Variants in NFIB observed in about 807,000 individuals in gnomAD.
NFIB encodes the protein nuclear factor 1 B-type.
A neutral mutation model predicts 61.5 loss-of-function variants in NFIB; 11 were observed. The ratio of observed to expected loss-of-function variants is 0.18; its 90% CI spans 0.11 to 0.30. The LOEUF (loss-of-function observed/expected upper bound fraction) is 0.30, where lower values mean the gene tolerates loss of function less well. Among genes scored for constraint, NFIB ranks in the 10% least tolerant of loss-of-function variants. The pLI is 1.00. For missense variants in NFIB, 471 were observed against 608.9 expected, an observed-to-expected ratio of 0.77 and a Z score of 2.38; for synonymous variants, 260 against 216.5, an observed-to-expected ratio of 1.20 and a Z score of -1.76.
At chr9:14,363,975 C>T (rs2061271194) in intron 1 of NFIB, among the ~76,000 whole-genome samples, 1 of 152,114 alleles carries the variant, frequency 6.6e-6, no homozygotes, top group Non-Finnish European at 1.5e-5. Flanking sequence ...CCTTTGAGTT[C>T]TTTCCAGTTT....
chr9:14,372,696 A>G (rs2061371679), intron 1 of NFIB, among the ~76,000 whole-genome samples: 1 of 152,180 alleles, frequency 6.6e-6, no homozygotes, highest in Non-Finnish European at 1.5e-5. Flanking sequence ...AACATCTGTT[A>G]TAACATGTGG....
intron 2 of NFIB, among the ~76,000 whole-genome samples, chr9:14,197,257 G>A (rs898025905): frequency 6.6e-6 from 1 of 152,142 alleles, no homozygotes; most frequent in Non-Finnish European, 1.5e-5. Flanking sequence ...TCTGAGGGAC[G>A]ACCCTTAACC....
chr9:14,298,125 C>T (rs959692245), intron 2 of NFIB, among the ~76,000 whole-genome samples: 9 of 152,068 alleles, frequency 5.9e-5, no homozygotes, highest in Non-Finnish European at 1.3e-4. Context: ...AGATAGGATT[C>T]CCTTAAAACT....
At chr9:14,527,074 T>A in the NFIB span, among the ~76,000 whole-genome samples, 23 of 152,170 alleles carry the variant, frequency 1.5e-4, no homozygotes, top group African/African-American at 5.3e-4. Flanking sequence ...TAAGAAAGTA[T>A]CTTGGAAGAA....
chr9:14,179,411 G>T lies in NFIB; in HGVS notation c.616+316C>A, dbSNP rs1470192606. ...ATTTTCTTATGAGTTTTAAAAGAAA[G>T]ATTAAAAGGTTCATTGGCTTTTCAA... is the stretch of plus-strand genomic sequence containing the variant. On this transcript the variant is annotated intron_variant, in intron 3 of 10. Coordinates refer to ENST00000380953, the MANE Select transcript of NFIB (RefSeq NM_001190737.2). Among the ~76,000 whole-genome samples the T allele has an allele frequency of 2.0e-5, 3 of 151,908 alleles. No individual in the cohort carries two copies. In the East Asian group the frequency reaches 5.8e-4, roughly 29 times the overall value.
intron 2 of NFIB, among the ~76,000 whole-genome samples, chr9:14,241,009 T>TGTGGAA (rs1211092644): frequency 6.6e-6 from 1 of 152,172 alleles, no homozygotes; most frequent in East Asian, 1.9e-4. Flanking sequence ...TAATTCAGGG[T>TGTGGAA]TTCTTCTCTA....
At chr9:14,373,652 G>A (rs1310436425) in intron 1 of NFIB, among the ~76,000 whole-genome samples, 4 of 143,076 alleles carry the variant, frequency 2.8e-5, no homozygotes, top group East Asian at 3.9e-4. Flanking sequence ...GTGTGTGTGT[G>A]TGTGTGTGTG....
intron 2 of NFIB, among the ~76,000 whole-genome samples, chr9:14,203,545 G>C (rs1159392551): frequency 1.3e-5 from 2 of 152,120 alleles, no homozygotes; most frequent in Non-Finnish European, 2.9e-5. Context: ...TCTTGGCACG[G>C]AGCGACTGCA....
At chr9:14,238,102 G>A (rs2053982323) in intron 2 of NFIB, among the ~76,000 whole-genome samples, 1 of 151,938 alleles carries the variant, frequency 6.6e-6, no homozygotes. Flanking sequence ...AGGAGATTTT[G>A]GGGGCACATG....
chr9:14,123,086 T>A (rs2039144502), intron 7 of NFIB, among the ~76,000 whole-genome samples: 1 of 151,620 alleles, frequency 6.6e-6, no homozygotes, highest in Non-Finnish European at 1.5e-5. Flanking sequence ...AAACCCCATC[T>A]CTACTAAAAA....
rs563684975 is a variant in NFIB, at chr9:14,280,578, C to T, written c.562+26411G>A. Among the ~76,000 whole-genome samples, 4 of 152,210 alleles carry T rather than the reference C, an allele frequency of 2.6e-5. No homozygotes were observed. In the South Asian group the frequency reaches 8.3e-4, roughly 32 times the overall value. Reference sequence around the variant, plus strand: ...TGGTCAGTATTCAATTTATAACACACCTTAAAAGAATAAGGCAATTCATTG... The same window carrying T: ...TGGTCAGTATTCAATTTATAACACATCTTAAAAGAATAAGGCAATTCATTG... On this transcript the variant is annotated intron_variant, in intron 2 of 10. Coordinates refer to ENST00000380953, the MANE Select transcript of NFIB (RefSeq NM_001190737.2).
chr9:14,493,617 T>C, the NFIB span, among the ~76,000 whole-genome samples: 2 of 152,198 alleles, frequency 1.3e-5, no homozygotes, highest in Non-Finnish European at 2.9e-5. Flanking sequence ...AACGGATACC[T>C]TGTGCTCCTA....
In NFIB at chr9:14,307,500, G is replaced by A. The variant is rs777603010; in HGVS notation, c.51C>T (p.Ile17=). ...CLTQDEFHPF[I]EALLPHVRAI... ...CACGGACATGTGGAAGAAGTGCCTC[G>A]ATGAATGGGTGAAATTCATCCTGTG... The change falls in exon 2 of 11, where the codon ATC becomes ATT. Residue 17 remains isoleucine (I), a synonymous_variant. Transcript: ENST00000380953. This position sits in a 1 kb window ranked among gnomAD's most constrained non-coding sequence, Gnocchi z 5.3. The A allele has an allele frequency of 2.1e-5, 33 of 1,605,368 alleles. No individual in the cohort carries two copies. The highest frequency in any genetic ancestry group is 1.7e-4 in the Middle Eastern group (1 of 6,038).
chr9:14,174,206 C>T (rs1476532902), intron 3 of NFIB, among the ~76,000 whole-genome samples: 1 of 152,114 alleles, frequency 6.6e-6, no homozygotes, highest in Non-Finnish European at 1.5e-5. Context: ...TTAGCACTGA[C>T]CCATACAGAC....
intron 2 of NFIB, chr9:14,300,188 C>T (rs1186048714): frequency 2.5e-6 from 1 of 398,384 alleles, no homozygotes; most frequent in African/African-American, 2.1e-5. Context: ...CAACATACCA[C>T]GTTGCCACAG....
At chr9:14,530,412 GGGAGA>G in the NFIB span, among the ~76,000 whole-genome samples, 1 of 137,326 alleles carries the variant, frequency 7.3e-6, no homozygotes, top group Admixed American at 7.9e-5. Context: ...GAAAGAGAGA[GGGAGA>G]GAGAGAGAGA....
the NFIB span, among the ~76,000 whole-genome samples, chr9:14,469,286 T>C: frequency 6.6e-6 from 1 of 152,212 alleles, no homozygotes; most frequent in Non-Finnish European, 1.5e-5. Context: ...GAAAAGTTAC[T>C]GTGAAGATGA....
At chr9:14,491,765 C>T in the NFIB span, among the ~76,000 whole-genome samples, 1 of 151,994 alleles carries the variant, frequency 6.6e-6, no homozygotes, top group Non-Finnish European at 1.5e-5. Context: ...TTCTTAAAAT[C>T]CAAAATAACG....
chr9:14,436,362 G>A, the NFIB span, among the ~76,000 whole-genome samples: 1 of 152,210 alleles, frequency 6.6e-6, no homozygotes, highest in Non-Finnish European at 1.5e-5. Context: ...ACTCTGTGAG[G>A]CTGTGTGCCT....
Sources: gnomAD v4.1 joint callset for allele counts (sites outside exome capture counted in the v4.1 genomes callset) on GRCh38, gnomAD v4.1.1 for gene constraint, Gnocchi (gnomAD v3.1) non-coding constraint, MANE v1.5 for transcripts, NCBI Gene and HGNC (gene_info 2026-07-23, HGNC 2026-07-21) for gene names.